The following ZBTB7C variants were observed in gnomAD, a reference collection of about 807,000 sequenced individuals.
ZBTB7C encodes zinc finger and BTB domain containing 7C, also known as zinc finger and BTB domain-containing protein 7C.
A neutral mutation model predicts 25.7 loss-of-function variants in ZBTB7C; 8 were observed. The observed-to-expected ratio is 0.31, with a 90% CI of 0.18 to 0.56. ZBTB7C has a LOEUF of 0.56. ZBTB7C is among the 20% of genes least tolerant of loss of function. ZBTB7C has a pLI of 0.91. For missense variants in ZBTB7C, 824 were observed against 855.2 expected (o/e 0.96, Z 0.46); for synonymous variants, 394 against 369.0 (o/e 1.07, Z -0.78).
chr18:48,240,556 A>G (rs1333053915), intron 2 of ZBTB7C, among the ~76,000 whole-genome samples: 1 of 152,224 alleles, frequency 6.6e-6, no homozygotes, highest in Non-Finnish European at 1.5e-5. Flanking sequence ...TTCCTTAAAC[A>G]AAACAATTAT....
intron 2 of ZBTB7C, among the ~76,000 whole-genome samples, chr18:48,195,378 T>C (rs183679027): frequency 7.7e-4 from 118 of 152,320 alleles, no homozygotes; most frequent in African/African-American, 2.7e-3. Context: ...TTTCCCCTGC[T>C]ATTCTCGTGA....
intron 3 of ZBTB7C, among the ~76,000 whole-genome samples, chr18:48,124,040 A>T (rs1389659391): frequency 6.6e-6 from 1 of 152,160 alleles, no homozygotes; most frequent in Non-Finnish European, 1.5e-5. Flanking sequence ...GCTCTCTGTG[A>T]GGAATCATTT....
At chr18:48,292,207 A>G (rs1598798240) in intron 2 of ZBTB7C, among the ~76,000 whole-genome samples, 1 of 152,066 alleles carries the variant, frequency 6.6e-6, no homozygotes, top group East Asian at 1.9e-4. Flanking sequence ...CAAAAAAAAA[A>G]AATTGCTACG....
At chr18:48,267,424 G>A (rs936220033) in intron 2 of ZBTB7C, among the ~76,000 whole-genome samples, 4 of 152,190 alleles carry the variant, frequency 2.6e-5, no homozygotes, top group African/African-American at 9.7e-5. Flanking sequence ...TGCACAAAGG[G>A]AAATGCATTT....
chr18:48,041,054 A>G lies in ZBTB7C; in HGVS notation c.54T>C (p.Ser18=), dbSNP rs750823610. 4 of 1,611,212 alleles carry G rather than the reference A, an allele frequency of 2.5e-6. No homozygotes were observed. The South Asian group carries it at 3.3e-5, about 13-fold the overall frequency. ...LIGIPFPNHS[S]EVLCSLNEQR... is the part of the protein sequence containing the mutation. ...GCTCATTGAGGCTGCACAGGACCTC[A>G]CTGCTGTGGTTGGGGAAGGGAATGC... is the stretch of plus-strand genomic sequence containing the variant. The change falls in exon 4 of 5, where the codon AGT becomes AGC. Residue 18 remains serine, a synonymous_variant. Coordinates refer to ENST00000590800, the MANE Select transcript of ZBTB7C (RefSeq NM_001318841.2).
In ZBTB7C at chr18:48,028,389, G is replaced by C. The variant is rs1226396291; in HGVS notation, c.*871C>G. ...CTGTGGGCTTTGCTGAAGCTCGGAA[G>C]CTCCCCTGATGACCTGATCTCTGTC... On this transcript the variant is annotated 3_prime_UTR_variant, in exon 5 of 5. Coordinates refer to ENST00000590800, the MANE Select transcript of ZBTB7C (RefSeq NM_001318841.2). The C allele has an allele frequency of 6.6e-6, 1 of 152,254 alleles. No homozygotes were observed. The highest frequency in any genetic ancestry group is 2.4e-5 in the African/African-American group (1 of 41,458). 9.4% of individuals were successfully genotyped at this position (152,254 alleles called of 1,614,324 possible). A position where few individuals can be genotyped will look rare whatever the true frequency, so the allele number is the denominator to read the frequency against.
At chr18:48,072,191 A>G in intron 3 of ZBTB7C, among the ~76,000 whole-genome samples, 1 of 152,250 alleles carries the variant, frequency 6.6e-6, no homozygotes, top group East Asian at 1.9e-4. Context: ...CTGGAACCCG[A>G]CAGCCATGAT....
rs76410043 is a variant in ZBTB7C at position 48,135,836 on chromosome 18, A to C, written c.-17+50098T>G. On this transcript the variant is annotated intron_variant, in intron 3 of 4. Transcript: ENST00000590800. ...TTCCTTTCTATTTTCAAAATTCCGC[A>C]TTTAGAAGAACTGGAAGTGGTCTGC... Among the ~76,000 whole-genome samples the C allele has an allele frequency of 4.4e-3, 676 of 152,324 alleles. 4 individuals carry two copies. Among genetic ancestry groups the C allele is most frequent in the African/African-American group, 0.016 (658 of 41,574 alleles).
At chr18:48,235,480 T>C (rs1176681184) in intron 2 of ZBTB7C, among the ~76,000 whole-genome samples, 1 of 152,196 alleles carries the variant, frequency 6.6e-6, no homozygotes, top group Non-Finnish European at 1.5e-5. Context: ...ATCTCATTTT[T>C]TTCATCCCAT....
At chr18:48,037,165 T>C (rs2036008498) in intron 4 of ZBTB7C, among the ~76,000 whole-genome samples, 1 of 152,216 alleles carries the variant, frequency 6.6e-6, no homozygotes, top group Admixed American at 6.5e-5. Context: ...TCTGATCTTT[T>C]TCGGGAGGGT....
At chr18:48,090,295 C>G (rs1403003227) in intron 3 of ZBTB7C, among the ~76,000 whole-genome samples, 2 of 152,210 alleles carry the variant, frequency 1.3e-5, no homozygotes, top group Non-Finnish European at 2.9e-5. Flanking sequence ...TGTGGCAGAG[C>G]TCTACCAGGG....
chr18:48,304,302 T>G (rs1417760500), intron 2 of ZBTB7C, among the ~76,000 whole-genome samples: 1 of 152,146 alleles, frequency 6.6e-6, no homozygotes, highest in Non-Finnish European at 1.5e-5. Flanking sequence ...GAGACCAGAG[T>G]AACCATCTAA....
At chr18:48,121,309 C>A (rs1366397954) in intron 3 of ZBTB7C, among the ~76,000 whole-genome samples, 11 of 152,180 alleles carry the variant, frequency 7.2e-5, no homozygotes, top group African/African-American at 2.7e-4. Context: ...TGTCCCTCCA[C>A]TGTCATCAGA....
chr18:48,189,854 T>A (rs1184033997), intron 2 of ZBTB7C, among the ~76,000 whole-genome samples: 2 of 152,156 alleles, frequency 1.3e-5, no homozygotes, highest in African/African-American at 4.8e-5. Context: ...CAGGAGGGCA[T>A]CATCCAAGCT....
chr18:48,087,847 T>TGGG (rs11356067), intron 3 of ZBTB7C: 8 of 59,030 alleles, frequency 1.4e-4, no homozygotes, highest in African/African-American at 5.9e-4. Flanking sequence ...TAAAAGTGGG[T>TGGG]GGGGGGGGGG....
chr18:48,321,659 T>C (rs2046095554), intron 2 of ZBTB7C, among the ~76,000 whole-genome samples: 1 of 152,242 alleles, frequency 6.6e-6, no homozygotes, highest in South Asian at 2.1e-4. Flanking sequence ...GTGAAAATGG[T>C]GCTGGGCTAG....
rs140465707 is a variant in ZBTB7C at position 48,039,982 on chromosome 18, C to T, written c.1126G>A (p.Ala376Thr). ...CTCATGTGCCGCGGCAGCTTCCCGGCCCCCATGATGACTTTGTGGCAGATG... is the reference window on the plus strand; with the variant it reads ...CTCATGTGCCGCGGCAGCTTCCCGGTCCCCATGATGACTTTGTGGCAGATG... ...CPICHKVIMG[A>T]GKLPRHMRTH... The change falls in exon 4 of 5, where the codon GCC becomes ACC. Residue 376 changes from alanine (A) to threonine (T), a missense_variant. Coordinates refer to ENST00000590800, the MANE Select transcript of ZBTB7C (RefSeq NM_001318841.2). 1.9e-6 allele frequency: 3 copies of T among 1,613,916 alleles called. No individual in the cohort carries two copies. In the African/African-American group the frequency reaches 4.0e-5, roughly 22 times the overall value.
chr18:48,273,812 C>T (rs188672774), intron 2 of ZBTB7C, among the ~76,000 whole-genome samples: 9 of 151,926 alleles, frequency 5.9e-5, no homozygotes, highest in Middle Eastern at 3.4e-3. Flanking sequence ...AAGAAATATG[C>T]CAAAATATTA....
chr18:48,187,200 A>C (rs1317020429), intron 2 of ZBTB7C, among the ~76,000 whole-genome samples: 1 of 152,212 alleles, frequency 6.6e-6, no homozygotes, highest in Non-Finnish European at 1.5e-5. Flanking sequence ...AGCTGGAAGC[A>C]CTTTGTTTTT....
Sources: allele counts gnomAD v4.1 joint callset (sites outside exome capture counted in the v4.1 genomes callset), GRCh38; gene constraint gnomAD v4.1.1; transcripts MANE v1.5; gene names NCBI Gene and HGNC (gene_info 2026-07-23, HGNC 2026-07-21).